Variants in FMN1 observed in about 807,000 individuals in gnomAD.
FMN1 encodes the protein formin-1.
A neutral mutation model predicts 132.4 loss-of-function variants in FMN1; 110 were observed. That is an observed-to-expected ratio of 0.83 (90% CI 0.71 to 0.97). The LOEUF is 0.97. Ranked by LOEUF, FMN1 falls within the 50% of genes least tolerant of loss-of-function variation. The pLI, the probability that FMN1 is intolerant of heterozygous loss-of-function variation, is 0.00. For missense variants in FMN1, 1,792 were observed against 1,705.3 expected (o/e 1.05, Z -0.90); for synonymous variants, 722 against 651.7 (o/e 1.11, Z -1.64).
At chr15:32,786,604 CAT>C (rs2056886294) in intron 19 of FMN1, among the ~76,000 whole-genome samples, 2 of 152,206 alleles carry the variant, frequency 1.3e-5, no homozygotes, top group African/African-American at 4.8e-5. Context: ...CAAGGAATAA[CAT>C]ATAGACTTTG....
intron 17 of FMN1, among the ~76,000 whole-genome samples, chr15:32,847,320 G>T (rs2058881753): frequency 6.6e-6 from 1 of 152,128 alleles, no homozygotes; most frequent in Admixed American, 6.6e-5. Context: ...ATCTGCTGCT[G>T]CTCTAGGAAA....
chr15:32,792,733 A>G (rs2057133035), intron 19 of FMN1, among the ~76,000 whole-genome samples: 1 of 152,102 alleles, frequency 6.6e-6, no homozygotes, highest in Non-Finnish European at 1.5e-5. Context: ...AGCTCATGCT[A>G]TTTAATATTA....
chr15:33,145,918 C>A (rs951769049), intron 4 of FMN1, among the ~76,000 whole-genome samples: 1 of 151,962 alleles, frequency 6.6e-6, no homozygotes, highest in East Asian at 1.9e-4. Flanking sequence ...AGAAAAAATA[C>A]GTGAAATCTG....
intron 5 of FMN1, among the ~76,000 whole-genome samples, chr15:33,080,313 G>A (rs1252441286): frequency 6.6e-6 from 1 of 152,230 alleles, no homozygotes; most frequent in Non-Finnish European, 1.5e-5. Context: ...AGGAGTGAAG[G>A]AAGGTGGAAG....
chr15:33,081,369 T>G (rs566782741), intron 5 of FMN1, among the ~76,000 whole-genome samples: 1 of 152,322 alleles, frequency 6.6e-6, no homozygotes, highest in South Asian at 2.1e-4. Flanking sequence ...TTTTGATACT[T>G]GAATACAATA....
Position 32,848,977 on chromosome 15 carries a change from G to GTTTTTTTTTTT in FMN1, c.3928+8027_3928+8037dup, listed in dbSNP as rs71113479. Among the ~76,000 whole-genome samples, 82 of 89,504 alleles carry GTTTTTTTTTTT rather than the reference G, an allele frequency of 9.2e-4. 1 individual carries two copies. Among genetic ancestry groups the GTTTTTTTTTTT allele is most frequent in the Admixed American group, 1.2e-3 (7 of 5,978 alleles). The allele number at this position is 89,504 out of a possible 152,430, so 58.7% of individuals were successfully genotyped here. A position where few individuals can be genotyped will look rare whatever the true frequency, so the allele number is the denominator to read the frequency against. On this transcript the variant is annotated intron_variant, in intron 17 of 20. Transcript: ENST00000616417. ...ATCAGTCTTGGGTTAGTTCTCTTTT[G>GTTTTTTTTTTT]TTTTTTTTTTTTTTTTTTTTTTCAG...
At chr15:32,984,761 A>T (rs980098838) in intron 7 of FMN1, among the ~76,000 whole-genome samples, 1 of 152,138 alleles carries the variant, frequency 6.6e-6, no homozygotes, top group Non-Finnish European at 1.5e-5. Flanking sequence ...TTTTCTACAC[A>T]AATTGCATTA....
intron 9 of FMN1, among the ~76,000 whole-genome samples, chr15:32,960,747 G>A (rs1289228799): frequency 6.6e-6 from 1 of 152,040 alleles, no homozygotes; most frequent in Non-Finnish European, 1.5e-5. Context: ...TGTAATCCCA[G>A]CATTTTGGGA....
At chr15:32,911,388 C>T (rs775706862) in intron 10 of FMN1, among the ~76,000 whole-genome samples, 7 of 152,132 alleles carry the variant, frequency 4.6e-5, no homozygotes, top group Non-Finnish European at 1.0e-4. Flanking sequence ...TTAACCAGCA[C>T]GCTAGTAAAT....
intron 7 of FMN1, among the ~76,000 whole-genome samples, chr15:33,005,673 C>T (rs938716151): frequency 6.6e-6 from 1 of 152,138 alleles, no homozygotes; most frequent in Non-Finnish European, 1.5e-5. Flanking sequence ...CCTCGCCAGG[C>T]TGGTCTACAG....
At chr15:33,081,787 G>C (rs1476601765) in intron 5 of FMN1, among the ~76,000 whole-genome samples, 1 of 152,160 alleles carries the variant, frequency 6.6e-6, no homozygotes, top group Non-Finnish European at 1.5e-5. Flanking sequence ...GCAGGGTCTG[G>C]CCTTTAGGAA....
rs550766270 is a variant in FMN1 at position 32,852,276 on chromosome 15, CCT to C, written c.3928+4737_3928+4738del. On this transcript the variant is annotated intron_variant, in intron 17 of 20. Transcript: ENST00000616417. ...CAAGAAAAAGGAGTTACCCTATTCT[CCT>C]CTGTTTCATTTTGTACATCCAATTT... 9.2e-5 allele frequency among the ~76,000 whole-genome samples: 14 copies of C among 152,338 alleles called. No homozygotes were observed. In the East Asian group the frequency reaches 1.9e-3, roughly 21 times the overall value.
At chr15:33,097,268 C>T (rs544502298) in intron 4 of FMN1, among the ~76,000 whole-genome samples, 2 of 149,548 alleles carry the variant, frequency 1.3e-5, no homozygotes, top group Non-Finnish European at 3.0e-5. Flanking sequence ...CACACCACTG[C>T]ACTACAGCCT....
At chr15:33,083,366 T>C (rs1247947860) in intron 5 of FMN1, among the ~76,000 whole-genome samples, 1 of 152,192 alleles carries the variant, frequency 6.6e-6, no homozygotes, top group African/African-American at 2.4e-5. Flanking sequence ...TCAACTACAC[T>C]TGAACTTATG....
At chr15:33,062,090 AAC>A (rs2037510635) in intron 6 of FMN1, among the ~76,000 whole-genome samples, 1 of 152,182 alleles carries the variant, frequency 6.6e-6, no homozygotes, top group African/African-American at 2.4e-5. Flanking sequence ...AAAGTAAAAT[AAC>A]AGTTTCAAAA....
At chr15:33,106,526 G>T (rs2140102798) in intron 4 of FMN1, among the ~76,000 whole-genome samples, 1 of 151,930 alleles carries the variant, frequency 6.6e-6, no homozygotes, top group African/African-American at 2.4e-5. Context: ...GCATCCAGCA[G>T]GGTTGAATGC....
intron 19 of FMN1, among the ~76,000 whole-genome samples, chr15:32,793,725 G>A (rs142511794): frequency 1.6e-3 from 247 of 152,178 alleles, no homozygotes; most frequent in African/African-American, 5.7e-3. Context: ...TATTATTAAG[G>A]GATTTTTAAA....
intron 16 of FMN1, among the ~76,000 whole-genome samples, chr15:32,878,977 A>G (rs2059700792): frequency 6.6e-6 from 1 of 152,176 alleles, no homozygotes. Flanking sequence ...GCTTCAAAGG[A>G]AAACACAAAC....
chr15:33,021,356 A>C (rs924865224), intron 6 of FMN1, among the ~76,000 whole-genome samples: 4 of 140,102 alleles, frequency 2.9e-5, no homozygotes, highest in African/African-American at 7.6e-5. Context: ...GTAAGTTTTC[A>C]GTCAAGTTAA....
Sources: gnomAD v4.1 joint callset for allele counts (sites outside exome capture counted in the v4.1 genomes callset) on GRCh38, gnomAD v4.1.1 for gene constraint, MANE v1.5 for transcripts, NCBI Gene and HGNC (gene_info 2026-07-23, HGNC 2026-07-21) for gene names.